DIPK1A: variants seen among roughly 807,000 people sequenced by gnomAD.
DIPK1A encodes family with sequence similarity 69 member A.
DIPK1A carries 27 observed loss-of-function variants against 40.8 expected under a neutral mutation model. The observed-to-expected ratio is 0.66, with a 90% CI of 0.49 to 0.91. The LOEUF is 0.91. Ranked by LOEUF, DIPK1A falls within the 40% of genes least tolerant of loss-of-function variation. DIPK1A has a pLI of 0.00. For missense variants in DIPK1A, 412 were observed against 505.7 expected (o/e 0.81, Z 1.78); for synonymous variants, 166 against 171.3 (o/e 0.97, Z 0.24).
intron 2 of DIPK1A, among the ~76,000 whole-genome samples, chr1:92,871,385 G>A (rs1037398040): frequency 7.9e-5 from 12 of 152,186 alleles, no homozygotes; most frequent in African/African-American, 2.4e-4. Context: ...GACTGGTCTC[G>A]AACTACCGAC....
At chr1:92,941,593 T>C (rs185000266) in intron 1 of DIPK1A, among the ~76,000 whole-genome samples, 83 of 152,300 alleles carry the variant, frequency 5.4e-4, no homozygotes, top group African/African-American at 1.9e-3. Flanking sequence ...CCTGGTAGTT[T>C]TTACATCCAG....
At chr1:92,837,624 T>C, downstream of DIPK1A, 1 of 1,611,752 alleles carries the variant, frequency 6.2e-7, no homozygotes, top group Non-Finnish European at 8.5e-7. Context: ...ACAGCGTAAC[T>C]CCAGACATGG....
chr1:92,916,979 T>C (rs1650079711), intron 1 of DIPK1A, among the ~76,000 whole-genome samples: 1 of 152,224 alleles, frequency 6.6e-6, no homozygotes. Context: ...GTTTTCATTA[T>C]CCACTTTCCT....
chr1:92,924,554 T>G (rs1304769540), intron 1 of DIPK1A, among the ~76,000 whole-genome samples: 2 of 138,064 alleles, frequency 1.4e-5, no homozygotes, highest in African/African-American at 5.4e-5. Context: ...TTGCCTCTAG[T>G]GGACAAGGGC....
chr1:92,885,314 A>AG (rs1557469022), intron 1 of DIPK1A, among the ~76,000 whole-genome samples: 1 of 152,198 alleles, frequency 6.6e-6, no homozygotes, highest in East Asian at 1.9e-4. Flanking sequence ...CAGGAGTCCC[A>AG]GAACAGAACA....
intron 1 of DIPK1A, among the ~76,000 whole-genome samples, chr1:92,951,925 G>GC (rs1351953208): frequency 2.2e-5 from 2 of 91,022 alleles, no homozygotes; most frequent in Non-Finnish European, 4.0e-5. Context: ...ATACTCCCCC[G>GC]CCCCCCACCC....
chr1:92,936,062 G>T lies in DIPK1A; in HGVS notation c.54+25314C>A, dbSNP rs1050597779. Among the ~76,000 whole-genome samples the T allele has an allele frequency of 9.2e-5, 14 of 152,124 alleles. 1 individual carries two copies. Among genetic ancestry groups the T allele is most frequent in the African/African-American group, 3.4e-4 (14 of 41,490 alleles). Reference sequence around the variant, plus strand: ...GATCACGCCACTGCATTCCAGCCTGGGCGACAGAGAGAGACTTCATCTCAA... The same window carrying T: ...GATCACGCCACTGCATTCCAGCCTGTGCGACAGAGAGAGACTTCATCTCAA... On this transcript the variant is annotated intron_variant, in intron 1 of 4. Coordinates refer to ENST00000370310, the MANE Select transcript of DIPK1A (RefSeq NM_001006605.5).
At chr1:92,879,449 A>AT (rs2100781638) in intron 1 of DIPK1A, among the ~76,000 whole-genome samples, 1 of 152,338 alleles carries the variant, frequency 6.6e-6, no homozygotes, top group South Asian at 2.1e-4. Flanking sequence ...GAAAAACCCT[A>AT]TGAACTGGAC....
intron 1 of DIPK1A, among the ~76,000 whole-genome samples, chr1:92,891,547 T>C (rs560858858): frequency 7.2e-4 from 109 of 152,226 alleles, no homozygotes; most frequent in Non-Finnish European, 5.9e-5. Flanking sequence ...GATGGCCGAA[T>C]AGGAACAGCT....
intron 1 of DIPK1A, among the ~76,000 whole-genome samples, chr1:92,884,255 C>A (rs940776422): frequency 2.0e-5 from 3 of 151,824 alleles, no homozygotes; most frequent in Admixed American, 2.0e-4. Flanking sequence ...GAGACCAGCC[C>A]AGGCAACAAA....
intron 2 of DIPK1A, among the ~76,000 whole-genome samples, chr1:92,871,407 T>A (rs943333761): frequency 1.3e-5 from 2 of 152,104 alleles, no homozygotes; most frequent in African/African-American, 2.4e-5. Flanking sequence ...TCAGGTGATC[T>A]GCCTGCCTCA....
chr1:92,865,618 C>T (rs1361657296), intron 2 of DIPK1A, among the ~76,000 whole-genome samples: 1 of 152,158 alleles, frequency 6.6e-6, no homozygotes, highest in East Asian at 1.9e-4. Context: ...TCACTAGAGT[C>T]AAGCCCTAAA....
intron 2 of DIPK1A, among the ~76,000 whole-genome samples, chr1:92,872,069 C>CTTTTTTTTTTTTTTTTTTTTTTTTTT (rs148010880): frequency 1.5e-5 from 1 of 67,936 alleles, no homozygotes; most frequent in African/African-American, 5.8e-5. Context: ...TTCTTTAAAT[C>CTTTTTTTTTTTTTTTTTTTTTTTTTT]TTTTTTTTTT....
At chr1:92,835,308 G>T in intron 4 of DIPK1A, 1 of 312,396 alleles carries the variant, frequency 3.2e-6, no homozygotes, top group Non-Finnish European at 6.2e-6. Flanking sequence ...TAGACCTTCT[G>T]GAATCTGTAT....
At chr1:92,950,277 A>G (rs945201490) in intron 1 of DIPK1A, among the ~76,000 whole-genome samples, 3 of 152,230 alleles carry the variant, frequency 2.0e-5, no homozygotes, top group Admixed American at 2.0e-4. Context: ...GAGAGAGAGC[A>G]TGTTGTCTGG....
At chr1:92,894,315 A>T (rs1382092478) in intron 1 of DIPK1A, among the ~76,000 whole-genome samples, 1 of 152,144 alleles carries the variant, frequency 6.6e-6, no homozygotes, top group Non-Finnish European at 1.5e-5. Context: ...CTCAGACCAC[A>T]GTGCAATCAA....
intron 1 of DIPK1A, among the ~76,000 whole-genome samples, chr1:92,924,635 C>G (rs2100859996): frequency 6.6e-6 from 1 of 152,324 alleles, no homozygotes; most frequent in Middle Eastern, 3.4e-3. Flanking sequence ...AAGAAGGGGT[C>G]AGCTGCTCGG....
chr1:92,836,527 G>T (rs1687135741), intron 4 of DIPK1A: 1 of 785,294 alleles, frequency 1.3e-6, no homozygotes, highest in East Asian at 2.6e-5. Context: ...CCATGCAGGA[G>T]GAACCTAGTA....
chr1:92,952,078 A>G lies in DIPK1A; in HGVS notation c.54+9298T>C, dbSNP rs1254888775. On this transcript the variant is annotated intron_variant, in intron 1 of 4. Coordinates refer to ENST00000370310, the MANE Select transcript of DIPK1A (RefSeq NM_001006605.5). ...ATGGCCACTCTTTAAAAAAAAAAAAAACACACACAAATGTCTGGAGACATA... is the reference window on the plus strand; with the variant it reads ...ATGGCCACTCTTTAAAAAAAAAAAAGACACACACAAATGTCTGGAGACATA... Among the ~76,000 whole-genome samples, 4 of 151,144 alleles carry G rather than the reference A, an allele frequency of 2.6e-5. No homozygotes were observed. In the East Asian group the frequency reaches 7.7e-4, roughly 29 times the overall value.
Sources: allele counts gnomAD v4.1 joint callset (sites outside exome capture counted in the v4.1 genomes callset), GRCh38; gene constraint gnomAD v4.1.1; transcripts MANE v1.5; gene names NCBI Gene and HGNC (gene_info 2026-07-23, HGNC 2026-07-21).